ADCY2: variants seen among roughly 807,000 people sequenced by gnomAD.
The protein encoded by ADCY2 is adenylate cyclase type 2.
Under a neutral mutation model 125.2 loss-of-function variants are expected in ADCY2, and 31 were observed. The observed-to-expected ratio is 0.25, with a 90% confidence interval of 0.19 to 0.33. The LOEUF is 0.33. ADCY2 is among the 10% of genes least tolerant of loss of function. The pLI, the probability that ADCY2 is intolerant of heterozygous loss-of-function variation, is 1.00. For synonymous variants in ADCY2, 512 were observed against 548.4 expected, an observed-to-expected ratio of 0.93 and a Z score of 0.93; for missense variants, 904 against 1,418.2, an observed-to-expected ratio of 0.64 and a Z score of 5.82.
intron 3 of ADCY2, among the ~76,000 whole-genome samples, chr5:7,603,810 C>CTTTTTTT: frequency 1.7e-5 from 1 of 60,404 alleles, no homozygotes; most frequent in Non-Finnish European, 3.5e-5. Context: ...TTTTTTTTTT[C>CTTTTTTT]TTTTGTTTTT....
At chr5:7,760,936 T>G (rs2126464365) in intron 16 of ADCY2, among the ~76,000 whole-genome samples, 1 of 152,292 alleles carries the variant, frequency 6.6e-6, no homozygotes, top group East Asian at 1.9e-4. Flanking sequence ...GTAACCACCA[T>G]TCTACTCTCT....
intron 4 of ADCY2, among the ~76,000 whole-genome samples, chr5:7,645,946 CT>C (rs1297554514): frequency 1.3e-5 from 2 of 152,194 alleles, no homozygotes; most frequent in Non-Finnish European, 2.9e-5. Context: ...GTATGTTGCA[CT>C]TCAATTTATA....
At chr5:7,723,479 G>A (rs1311455158) in intron 12 of ADCY2, among the ~76,000 whole-genome samples, 2 of 152,076 alleles carry the variant, frequency 1.3e-5, no homozygotes. Flanking sequence ...ATGTTTAAAA[G>A]TCAGACAATG....
chr5:7,727,890 T>A (rs1432708905), intron 14 of ADCY2, among the ~76,000 whole-genome samples: 2 of 152,104 alleles, frequency 1.3e-5, no homozygotes, highest in Admixed American at 1.3e-4. Flanking sequence ...CGCTTTATGA[T>A]CCCTAGGTCA....
chr5:7,770,863 T>A (rs1743533182), intron 17 of ADCY2, among the ~76,000 whole-genome samples: 1 of 152,234 alleles, frequency 6.6e-6, no homozygotes, highest in Admixed American at 6.5e-5. Context: ...GTGTTTTTAA[T>A]TTCTAATCTA....
In ADCY2 at chr5:7,631,192, G is replaced by C. The variant is rs115474251; in HGVS notation, c.720+4876G>C. On this transcript the variant is annotated intron_variant, in intron 4 of 24. Transcript: ENST00000338316. ...CTTCTGTAATTACACTGGACTAACC[G>C]GGCTAATCCAAGATAAACTCACCAT... Among the ~76,000 whole-genome samples the C allele has an allele frequency of 3.8e-3, 577 of 152,062 alleles. 1 individual carries two copies. The highest frequency in any genetic ancestry group is 6.2e-3 in the Non-Finnish European group (425 of 68,002).
intron 2 of ADCY2, among the ~76,000 whole-genome samples, chr5:7,488,677 G>A (rs146641757): frequency 6.6e-6 from 1 of 152,260 alleles, no homozygotes; most frequent in East Asian, 1.9e-4. Context: ...GCACGTTGAA[G>A]TGGAAGTTAG....
intron 2 of ADCY2, among the ~76,000 whole-genome samples, chr5:7,448,915 G>A (rs1228494329): frequency 6.6e-6 from 1 of 152,030 alleles, no homozygotes; most frequent in African/African-American, 2.4e-5. Context: ...CTTTGTTATT[G>A]TGAATACTGC....
intron 14 of ADCY2, among the ~76,000 whole-genome samples, chr5:7,736,815 AAT>A (rs1307359012): frequency 6.6e-6 from 1 of 152,184 alleles, no homozygotes; most frequent in Non-Finnish European, 1.5e-5. Flanking sequence ...TGATTCACAA[AAT>A]AAACCTTATG....
At chr5:7,626,515 A>G (rs532831641) in intron 4 of ADCY2, among the ~76,000 whole-genome samples, 199 bp downstream of exon 4, 1 of 152,298 alleles carries the variant, frequency 6.6e-6, no homozygotes, top group African/African-American at 2.4e-5. Context: ...TAATTTACCA[A>G]GAAAAGAGGT....
intron 22 of ADCY2, among the ~76,000 whole-genome samples, chr5:7,816,545 C>T (rs1420862643): frequency 6.6e-6 from 1 of 152,238 alleles, no homozygotes; most frequent in African/African-American, 2.4e-5. Context: ...GCGCCAGCCC[C>T]TCCTCAAAGC....
At position 7,757,603 on chromosome 5, in the gene ADCY2, G is replaced by GTGTTCAACATGGTAAGCCCCAGAGCATA. The variant is rs1560953977; in HGVS notation, c.2094+17_2094+18insTGTTCAACATGGTAAGCCCCAGAGCATA. On this transcript the variant is annotated intron_variant, in intron 16 of 24. Coordinates refer to ENST00000338316, the MANE Select transcript of ADCY2 (RefSeq NM_020546.3). ...TTCAACATGGTAAGTCCCAGAGCAC[G>GTGTTCAACATGGTAAGCCCCAGAGCATA]GCCGTGTTCAACATGGTAAGCCCCA... is the stretch of plus-strand genomic sequence containing the variant. 1.2e-6 allele frequency: 2 copies of GTGTTCAACATGGTAAGCCCCAGAGCATA among 1,603,852 alleles called. 1 individual carries two copies. Among genetic ancestry groups the GTGTTCAACATGGTAAGCCCCAGAGCATA allele is most frequent in the African/African-American group, 2.7e-5 (2 of 74,370 alleles).
chr5:7,434,895 T>C (rs1396650567), intron 2 of ADCY2, among the ~76,000 whole-genome samples: 1 of 152,214 alleles, frequency 6.6e-6, no homozygotes, highest in Non-Finnish European at 1.5e-5. Context: ...CCTAGCTTTA[T>C]AGGGAAGATT....
intron 6 of ADCY2, among the ~76,000 whole-genome samples, 169 bp from the exon 7 acceptor site, chr5:7,698,078 G>A (rs1740952618): frequency 6.6e-6 from 1 of 152,014 alleles, no homozygotes; most frequent in Non-Finnish European, 1.5e-5. Context: ...TGTAGGGGAG[G>A]GCAGCTCATT....
chr5:7,673,058 T>A (rs1396029844), intron 4 of ADCY2, among the ~76,000 whole-genome samples: 2 of 151,470 alleles, frequency 1.3e-5, no homozygotes, highest in Non-Finnish European at 2.9e-5. Context: ...TATCATGTAA[T>A]TTTATTAACC....
chr5:7,690,416 A>G (rs1740668106), intron 4 of ADCY2: 6 of 248,316 alleles, frequency 2.4e-5, no homozygotes, highest in Non-Finnish European at 4.6e-5. Context: ...AAATAGATTT[A>G]AAAATCTTTG....
intron 1 of ADCY2, among the ~76,000 whole-genome samples, chr5:7,413,973 A>ATC (rs1739835995): frequency 6.6e-6 from 1 of 152,102 alleles, no homozygotes; most frequent in Admixed American, 6.5e-5. Flanking sequence ...TATTTTCTCC[A>ATC]TCTCTCTTGA....
intron 21 of ADCY2, among the ~76,000 whole-genome samples, chr5:7,803,394 C>T (rs778057998): frequency 2.0e-5 from 3 of 152,320 alleles, no homozygotes; most frequent in South Asian, 2.1e-4. Context: ...GGCAAGAAAA[C>T]GCTCTTGGTC....
intron 4 of ADCY2, among the ~76,000 whole-genome samples, chr5:7,638,371 A>G (rs1164375012): frequency 6.6e-6 from 1 of 152,184 alleles, no homozygotes; most frequent in African/African-American, 2.4e-5. Context: ...GCCCGCACCT[A>G]TGACCTCTGC....
Sources: gnomAD v4.1 joint callset for allele counts (sites outside exome capture counted in the v4.1 genomes callset) on GRCh38, gnomAD v4.1.1 for gene constraint, MANE v1.5 for transcripts, NCBI Gene and HGNC (gene_info 2026-07-23, HGNC 2026-07-21) for gene names.